Variants in CSMD1 observed in about 807,000 individuals in gnomAD.
CSMD1 encodes CUB and sushi domain-containing protein 1.
A neutral mutation model predicts 417.5 loss-of-function variants in CSMD1; 213 were observed. The ratio of observed to expected loss-of-function variants is 0.51; its 90% CI spans 0.46 to 0.57. CSMD1 has a LOEUF of 0.57. Among genes scored for constraint, CSMD1 ranks in the 20% least tolerant of loss-of-function variants. The probability of loss-of-function intolerance (pLI) is 0.00; values close to 1 mark genes in which losing one functional copy is unlikely to be tolerated. For synonymous variants in CSMD1, 2,862 were observed against 1,736.8 expected (o/e 1.65, Z -16.11); for missense variants, 6,923 against 4,529.7 (o/e 1.53, Z -15.17).
At position 4,573,942 on chromosome 8, in the gene CSMD1, C is replaced by G. The variant is rs140343872; in HGVS notation, c.302+63400G>C. 4.9e-3 allele frequency among the ~76,000 whole-genome samples: 750 copies of G among 152,312 alleles called. 4 individuals carry two copies. Among genetic ancestry groups the G allele is most frequent in the Non-Finnish European group, 5.1e-3 (345 of 68,040 alleles). ...CACTGTGAGGGGGAAACCACCTACTCAAGCCTCAGTAATGGCAGACATCCC... is the reference window on the plus strand; with the variant it reads ...CACTGTGAGGGGGAAACCACCTACTGAAGCCTCAGTAATGGCAGACATCCC... On this transcript the variant is annotated intron_variant, in intron 2 of 69. Transcript: ENST00000635120.
intron 1 of CSMD1, among the ~76,000 whole-genome samples, chr8:4,652,231 G>A (rs915766246): frequency 6.6e-6 from 1 of 152,186 alleles, no homozygotes; most frequent in Non-Finnish European, 1.5e-5. Context: ...CAAAGGATGG[G>A]ATTGGGGAAA....
intron 68 of CSMD1, among the ~76,000 whole-genome samples, chr8:2,944,610 G>C (rs1053314661): frequency 6.6e-6 from 1 of 152,064 alleles, no homozygotes; most frequent in Non-Finnish European, 1.5e-5. Context: ...GTTTCGTTTG[G>C]TTTGGGTAGC....
chr8:2,965,246 G>A (rs1803854940), intron 59 of CSMD1, among the ~76,000 whole-genome samples: 1 of 152,086 alleles, frequency 6.6e-6, no homozygotes, highest in African/African-American at 2.4e-5. Context: ...TTGCCCAGAG[G>A]GTCCAGTCAC....
chr8:3,283,024 C>A (rs541200940), intron 26 of CSMD1, among the ~76,000 whole-genome samples: 48 of 152,294 alleles, frequency 3.2e-4, no homozygotes, highest in African/African-American at 1.1e-3. Flanking sequence ...TATCTCCACT[C>A]CTTCCTCCTT....
At chr8:4,311,452 G>A (rs74799344) in intron 3 of CSMD1, among the ~76,000 whole-genome samples, 1,857 of 152,212 alleles carry the variant, frequency 0.012, 32 homozygotes, top group African/African-American at 0.041. Context: ...TCTGGACATC[G>A]TGGCTCACAG....
intron 3 of CSMD1, among the ~76,000 whole-genome samples, chr8:4,103,271 A>ATATATATG (rs1209377338): frequency 6.6e-6 from 1 of 151,064 alleles, no homozygotes; most frequent in Non-Finnish European, 1.5e-5. Context: ...TACATTATAT[A>ATATATATG]TATCATACTG....
At chr8:3,709,692 T>TGC (rs1585113023) in intron 6 of CSMD1, among the ~76,000 whole-genome samples, 5 of 120,156 alleles carry the variant, frequency 4.2e-5, no homozygotes, top group South Asian at 3.3e-4. Context: ...TTTTTTTTTT[T>TGC]TTTTTTTTTT....
At chr8:4,376,329 A>T (rs1208467593) in intron 3 of CSMD1, among the ~76,000 whole-genome samples, 1 of 152,192 alleles carries the variant, frequency 6.6e-6, no homozygotes, top group African/African-American at 2.4e-5. Flanking sequence ...TCAAGAAGAG[A>T]ATAAAAGTTA....
intron 2 of CSMD1, among the ~76,000 whole-genome samples, chr8:4,425,379 C>CA (rs3056571): frequency 0.058 from 7,510 of 128,736 alleles, 249 homozygotes; most frequent in Non-Finnish European, 0.08. Context: ...ATTTGTGTGC[C>CA]AAAAAAAAAA....
intron 1 of CSMD1, among the ~76,000 whole-genome samples, chr8:4,860,086 A>C (rs1309533113): frequency 6.6e-6 from 1 of 152,084 alleles, no homozygotes. Flanking sequence ...AGCCATAAAA[A>C]AATGATGAGT....
At chr8:4,124,724 C>T (rs144111653) in intron 3 of CSMD1, among the ~76,000 whole-genome samples, 57 of 152,244 alleles carry the variant, frequency 3.7e-4, no homozygotes, top group African/African-American at 1.3e-3. Flanking sequence ...TTTCCCTAAG[C>T]CAGAATGAGT....
chr8:3,614,250 G>A (rs775375227), intron 8 of CSMD1, among the ~76,000 whole-genome samples: 2 of 152,046 alleles, frequency 1.3e-5, no homozygotes, highest in African/African-American at 4.8e-5. Flanking sequence ...GAAAGTGACA[G>A]ATTGAAATTC....
chr8:4,450,919 G>C (rs904011102), intron 2 of CSMD1, among the ~76,000 whole-genome samples: 6 of 152,084 alleles, frequency 3.9e-5, no homozygotes, highest in Admixed American at 2.0e-4. Context: ...AAATCATGGA[G>C]AGGAAAGGGC....
intron 1 of CSMD1, among the ~76,000 whole-genome samples, chr8:4,730,364 A>T (rs943070900): frequency 6.6e-6 from 1 of 152,196 alleles, no homozygotes; most frequent in Non-Finnish European, 1.5e-5. Context: ...AAAGATGAAA[A>T]CATATTCAAA....
At chr8:4,778,335 T>C (rs1412338979) in intron 1 of CSMD1, among the ~76,000 whole-genome samples, 2 of 152,172 alleles carry the variant, frequency 1.3e-5, no homozygotes, top group African/African-American at 2.4e-5. Flanking sequence ...ATGTGGCCTA[T>C]GATATCCCCA....
At chr8:4,114,580 T>C (rs1011138843) in intron 3 of CSMD1, among the ~76,000 whole-genome samples, 3 of 151,946 alleles carry the variant, frequency 2.0e-5, no homozygotes, top group African/African-American at 7.3e-5. Context: ...AGTCTATAGC[T>C]TTCATAGGTA....
At chr8:4,067,298 G>A (rs1220542340) in intron 3 of CSMD1, among the ~76,000 whole-genome samples, 3 of 152,036 alleles carry the variant, frequency 2.0e-5, no homozygotes, top group East Asian at 3.9e-4. Flanking sequence ...TCAAATCTCC[G>A]CCATACTAAA....
At chr8:3,665,507 C>T (rs62474689) in intron 7 of CSMD1, among the ~76,000 whole-genome samples, 23,231 of 151,922 alleles carry the variant, frequency 0.15, 2,197 homozygotes, top group East Asian at 0.33. Flanking sequence ...CCAGCCTGGG[C>T]GACAGAGCGA....
chr8:4,617,432 G>C (rs544608292), intron 2 of CSMD1, among the ~76,000 whole-genome samples: 1 of 152,274 alleles, frequency 6.6e-6, no homozygotes, highest in East Asian at 1.9e-4. Flanking sequence ...CAAGGTAGTA[G>C]GACTGATATT....
Sources: allele counts gnomAD v4.1 joint callset (sites outside exome capture counted in the v4.1 genomes callset), GRCh38; gene constraint gnomAD v4.1.1; transcripts MANE v1.5; gene names NCBI Gene and HGNC (gene_info 2026-07-23, HGNC 2026-07-21).